COLEC10: variants seen among roughly 807,000 people sequenced by gnomAD.
COLEC10 encodes collectin-10.
COLEC10 carries 22 observed loss-of-function variants against 28.4 expected under a neutral mutation model. That is an observed-to-expected ratio of 0.78 (90% CI 0.55 to 1.11). COLEC10 has a LOEUF of 1.11. Among genes scored for constraint, COLEC10 ranks in the 50% least tolerant of loss-of-function variants. The probability of loss-of-function intolerance (pLI) is 0.00; values close to 1 mark genes in which losing one functional copy is unlikely to be tolerated. For missense variants in COLEC10, 361 were observed against 344.1 expected, an observed-to-expected ratio of 1.05 and a Z score of -0.39; for synonymous variants, 125 against 116.1, an observed-to-expected ratio of 1.08 and a Z score of -0.49.
intron 2 of COLEC10, among the ~76,000 whole-genome samples, chr8:119,048,978 T>C (rs1261902098): frequency 6.6e-6 from 1 of 152,168 alleles, no homozygotes; most frequent in Non-Finnish European, 1.5e-5. Flanking sequence ...GTACAGTTCC[T>C]TTGGTTCCAT....
At chr8:119,082,927 C>A (rs1022380800) in intron 1 of COLEC10, among the ~76,000 whole-genome samples, 2 of 152,122 alleles carry the variant, frequency 1.3e-5, no homozygotes, top group Admixed American at 6.6e-5. Context: ...CCCACAGCAG[C>A]GACTGTCAGC....
At chr8:118,998,700 A>G (rs1414791942) in intron 1 of COLEC10, among the ~76,000 whole-genome samples, 1 of 141,324 alleles carries the variant, frequency 7.1e-6, no homozygotes, top group African/African-American at 2.7e-5. Flanking sequence ...AAAAAAAATT[A>G]GCCAGGCGTG....
rs1298457057 is a variant in COLEC10 at position 119,106,140 on chromosome 8, G to A, written c.783G>A (p.Glu261=). The change falls in exon 6 of 6, where the codon GAG becomes GAA. Residue 261 remains glutamate (E), a synonymous_variant. Coordinates refer to ENST00000332843, the MANE Select transcript of COLEC10 (RefSeq NM_006438.5). ...GCTCTGGCAGATGGAATGACACAGA[G>A]TGCCATCTTACCATGTACTTTGTCT... ...MLSSGRWNDT[E]CHLTMYFVCE... 5.0e-6 allele frequency: 8 copies of A among 1,613,244 alleles called. No homozygotes were observed. Among genetic ancestry groups the A allele is most frequent in the Non-Finnish European group, 5.9e-6 (7 of 1,179,326 alleles).
At chr8:118,989,579 C>CACA in the COLEC10 span, among the ~76,000 whole-genome samples, 11 of 118,064 alleles carry the variant, frequency 9.3e-5, no homozygotes, top group African/African-American at 4.2e-4. Context: ...ACACACACAC[C>CACA]CCTACCTACC....
intron 3 of COLEC10, 80 bp from the exon 4 acceptor site, chr8:119,102,268 C>T: frequency 1.9e-6 from 1 of 533,660 alleles, no homozygotes; most frequent in East Asian, 8.4e-5. Flanking sequence ...TCCTTCATTC[C>T]CTTCCTTCCT....
At chr8:119,055,877 T>A (rs1478271581) in intron 2 of COLEC10, among the ~76,000 whole-genome samples, 1 of 152,100 alleles carries the variant, frequency 6.6e-6, no homozygotes, top group Non-Finnish European at 1.5e-5. Flanking sequence ...GTTTCTATTT[T>A]TTGAGCTCTC....
At chr8:119,024,890 G>A (rs1011260551) in intron 2 of COLEC10, among the ~76,000 whole-genome samples, 2 of 152,110 alleles carry the variant, frequency 1.3e-5, no homozygotes, top group Non-Finnish European at 2.9e-5. Flanking sequence ...AGGGGATTTA[G>A]GATTTATTGA....
At chr8:118,959,605 A>T in the COLEC10 span, among the ~76,000 whole-genome samples, 7 of 152,326 alleles carry the variant, frequency 4.6e-5, no homozygotes, top group Non-Finnish European at 8.8e-5. Flanking sequence ...GAGTGATTGT[A>T]CCTTGAGCTG....
At chr8:118,967,774 G>A in the COLEC10 span, among the ~76,000 whole-genome samples, 19 of 151,996 alleles carry the variant, frequency 1.3e-4, no homozygotes, top group Admixed American at 6.6e-5. Flanking sequence ...TTTTGTTTTA[G>A]GTCCTTGCTA....
In COLEC10 at chr8:119,106,230, G is replaced by A. The variant is rs766032763; in HGVS notation, c.*39G>A. ...ACGTATTTGCTATTTTCCTGTGACC[G>A]TCATTACAGTTATTGTTATCCATCC... On this transcript the variant is annotated 3_prime_UTR_variant, in exon 6 of 6. Coordinates refer to ENST00000332843, the MANE Select transcript of COLEC10 (RefSeq NM_006438.5). The A allele has an allele frequency of 2.0e-5, 31 of 1,550,330 alleles. No homozygotes were observed. Among genetic ancestry groups the A allele is most frequent in the South Asian group, 4.9e-5 (4 of 82,122 alleles).
chr8:119,058,698 C>A (rs1489866585), intron 2 of COLEC10, among the ~76,000 whole-genome samples: 4 of 152,038 alleles, frequency 2.6e-5, no homozygotes, highest in Non-Finnish European at 2.9e-5. Flanking sequence ...CAATTTCTGG[C>A]AATTATGAAT....
At chr8:119,032,978 C>G (rs1814318417) in intron 2 of COLEC10, among the ~76,000 whole-genome samples, 1 of 152,150 alleles carries the variant, frequency 6.6e-6, no homozygotes, top group Admixed American at 6.5e-5. Flanking sequence ...AATTCAGAAA[C>G]GGGCTTTTTT....
intron 2 of COLEC10, among the ~76,000 whole-genome samples, chr8:119,014,439 A>G (rs1216497281): frequency 6.7e-6 from 1 of 149,308 alleles, no homozygotes; most frequent in Admixed American, 6.7e-5. Flanking sequence ...TATAATTCTT[A>G]TCTTCTGTAG....
chr8:119,062,573 G>A (rs530138313), upstream of COLEC10, among the ~76,000 whole-genome samples: 7 of 151,830 alleles, frequency 4.6e-5, no homozygotes, highest in East Asian at 3.9e-4. Context: ...TCCGCCCCCC[G>A]GGTTCAAGTG....
Position 119,105,988 on chromosome 8 carries a change from G to T in COLEC10, c.631G>T (p.Val211Leu), listed in dbSNP as rs751195682. The part of the protein sequence containing the change: ...KSGFFRVFIG[V>L]NDLEREGQYM... The stretch of plus-strand genomic sequence containing the variant: ...TGGCTTCTTTCGGGTGTTCATTGGC[G>T]TGAATGACCTTGAAAGGGAGGGACA... Residue 211 changes from valine (V) to leucine (L), a missense_variant, in exon 6 of 6, where the codon GTG (valine) becomes TTG (leucine). Transcript: ENST00000332843. The T allele has an allele frequency of 4.3e-6, 7 of 1,613,764 alleles. No individual in the cohort carries two copies. In the South Asian group the frequency reaches 7.7e-5, roughly 18 times the overall value.
upstream of COLEC10, among the ~76,000 whole-genome samples, chr8:118,990,735 G>C (rs74996864): frequency 0.011 from 1,735 of 152,036 alleles, 20 homozygotes; most frequent in Non-Finnish European, 0.017. Context: ...ACCATGAAAG[G>C]AACCACATCA....
chr8:119,024,918 T>C (rs1814161177), intron 2 of COLEC10, among the ~76,000 whole-genome samples: 1 of 152,142 alleles, frequency 6.6e-6, no homozygotes. Flanking sequence ...CTCGTATGAC[T>C]CTTTTTTTAA....
At chr8:118,952,877 T>G in the COLEC10 span, among the ~76,000 whole-genome samples, 1 of 152,196 alleles carries the variant, frequency 6.6e-6, no homozygotes, top group Non-Finnish European at 1.5e-5. Context: ...TAAAGTGTGG[T>G]CCCATTCATG....
upstream of COLEC10, among the ~76,000 whole-genome samples, chr8:118,993,592 T>A (rs1484986297): frequency 6.6e-6 from 1 of 152,064 alleles, no homozygotes; most frequent in African/African-American, 2.4e-5. Context: ...TGACATAAGG[T>A]GAGCCACCCG....
Sources: allele counts gnomAD v4.1 joint callset (sites outside exome capture counted in the v4.1 genomes callset), GRCh38; gene constraint gnomAD v4.1.1; transcripts MANE v1.5; gene names NCBI Gene and HGNC (gene_info 2026-07-23, HGNC 2026-07-21).